The following SIK3 variants were observed in gnomAD, a reference collection of about 807,000 sequenced individuals.
SIK3 encodes SIK family kinase 3.
A neutral mutation model predicts 144.2 loss-of-function variants in SIK3; 28 were observed. That is an observed-to-expected ratio of 0.19 (90% CI 0.14 to 0.27). SIK3 has a LOEUF of 0.27. SIK3 is among the 10% of genes least tolerant of loss of function. The pLI, the probability that SIK3 is intolerant of heterozygous loss-of-function variation, is 1.00. For missense variants in SIK3, 1,319 were observed against 1,776.0 expected (o/e 0.74, Z 4.62); for synonymous variants, 686 against 676.3 (o/e 1.01, Z -0.22).
intron 1 of SIK3, among the ~76,000 whole-genome samples, chr11:117,076,223 A>G (rs911389920): frequency 5.3e-5 from 8 of 151,988 alleles, no homozygotes; most frequent in African/African-American, 1.9e-4. Flanking sequence ...AAATCAGAAC[A>G]CTTCCTACCT....
chr11:117,072,862 T>C (rs553065287), intron 1 of SIK3, among the ~76,000 whole-genome samples: 2 of 152,352 alleles, frequency 1.3e-5, no homozygotes, highest in African/African-American at 2.4e-5. Context: ...CCAAAAAGTA[T>C]ACATCAGTAT....
In SIK3 at chr11:116,861,885, A is replaced by C. The variant is rs756824832; in HGVS notation, c.2271T>G (p.Ala757=). ...CPPQPSPPLQ[A]ACENQPALLT... ...GGAGGGCTGGCTGATTTTCACATGCAGCCTGAAGAGGTGGAGATGGCTGAG... is the reference window on the plus strand; with the variant it reads ...GGAGGGCTGGCTGATTTTCACATGCCGCCTGAAGAGGTGGAGATGGCTGAG... Residue 757 remains alanine, a synonymous_variant, in exon 18 of 25, where the codon GCT becomes GCG. Coordinates refer to ENST00000445177, the MANE Select transcript of SIK3 (RefSeq NM_001366686.3). 1 of 1,612,298 alleles carries C rather than the reference A, an allele frequency of 6.2e-7. No homozygotes were observed. The highest frequency in any genetic ancestry group is 8.5e-7 in the Non-Finnish European group (1 of 1,179,354).
chr11:116,923,682 C>T (rs1412660086), intron 4 of SIK3, among the ~76,000 whole-genome samples: 1 of 152,106 alleles, frequency 6.6e-6, no homozygotes, highest in Non-Finnish European at 1.5e-5. Flanking sequence ...TTCTGTTTTG[C>T]TCTTAAAACA....
chr11:116,871,709 A>C (rs906624278), intron 13 of SIK3, among the ~76,000 whole-genome samples: 1 of 152,188 alleles, frequency 6.6e-6, no homozygotes, highest in African/African-American at 2.4e-5. Context: ...TGTTTCATTC[A>C]CAGGCACTGG....
intron 6 of SIK3, among the ~76,000 whole-genome samples, chr11:116,883,887 T>C (rs1944673818): frequency 6.6e-6 from 1 of 151,950 alleles, no homozygotes; most frequent in African/African-American, 2.4e-5. Context: ...TGAGCCGAGA[T>C]TGTGCCACTG....
intron 22 of SIK3, among the ~76,000 whole-genome samples, 197 bp from the exon 23 acceptor site, chr11:116,847,805 G>A (rs1145206): frequency 2.6e-5 from 4 of 152,004 alleles, no homozygotes; most frequent in Admixed American, 1.3e-4. Flanking sequence ...TCTGCCCAGT[G>A]GGGGGGCTGA....
intron 3 of SIK3, 112 bp from the exon 4 acceptor site, chr11:116,927,492 A>C (rs1262648148): frequency 8.8e-6 from 8 of 906,866 alleles, no homozygotes; most frequent in Non-Finnish European, 1.4e-5. Context: ...AAGAGGCAAA[A>C]TGAGCAATGA....
At chr11:117,063,161 A>G (rs1170449569) in intron 1 of SIK3, among the ~76,000 whole-genome samples, 2 of 152,216 alleles carry the variant, frequency 1.3e-5, no homozygotes, top group East Asian at 1.9e-4. Flanking sequence ...ACTAATCTTC[A>G]TATCATTGGG....
Position 116,847,547 on chromosome 11 carries a change from C to T in SIK3, c.3881G>A (p.Arg1294Gln), listed in dbSNP as rs557591094. Residue 1294 changes from arginine (R) to glutamine (Q), a missense_variant, in exon 23 of 25, where the codon CGG becomes CAG. This residue lies in a region of SIK3 where 646 missense variants were observed against 763.7 expected (regional missense o/e 0.85). Coordinates refer to ENST00000445177, the MANE Select transcript of SIK3 (RefSeq NM_001366686.3). Reference protein sequence around the residue: ...LVAGKALSSARMSDAVLSQSS... With the variant: ...LVAGKALSSAQMSDAVLSQSS... ...CTGACTGAGAACTGCATCCGACATC[C>T]GGGCAGAGCTAAGTGCTTTCCCAGC... The T allele has an allele frequency of 9.9e-6, 16 of 1,614,158 alleles. No homozygotes were observed. The African/African-American group carries it at 1.3e-4, about 13-fold the overall frequency.
intron 1 of SIK3, among the ~76,000 whole-genome samples, chr11:117,006,588 A>G (rs1951055774): frequency 6.6e-6 from 1 of 152,106 alleles, no homozygotes; most frequent in African/African-American, 2.4e-5. Context: ...CCTTTAGCCT[A>G]GGAGTTGCAA....
At chr11:117,036,495 G>C (rs1565581619) in intron 1 of SIK3, among the ~76,000 whole-genome samples, 1 of 152,148 alleles carries the variant, frequency 6.6e-6, no homozygotes, top group East Asian at 1.9e-4. Context: ...CTTAAGGTTT[G>C]TATTTTCCCC....
Position 116,863,586 on chromosome 11 carries a change from A to G in SIK3, c.2103+82T>C. On this transcript the variant is annotated intron_variant, in intron 16 of 24. Transcript: ENST00000445177. ...GCAATGTTGCTGACATAAAAGGGGT[A>G]CGTTTACCACCCCAGTCCTCCTGCA... The G allele has an allele frequency of 1.9e-6, 3 of 1,576,730 alleles. No individual in the cohort carries two copies. The East Asian group carries it at 6.7e-5, about 35-fold the overall frequency.
chr11:116,845,981 A>G (rs1029427828), intron 24 of SIK3, among the ~76,000 whole-genome samples: 4 of 152,322 alleles, frequency 2.6e-5, no homozygotes, highest in South Asian at 2.1e-4. Flanking sequence ...ATGGCTGGAC[A>G]TATTTTCCTG....
At chr11:116,872,579 AATC>A (rs1278412644) in intron 13 of SIK3, among the ~76,000 whole-genome samples, 1 of 152,248 alleles carries the variant, frequency 6.6e-6, no homozygotes, top group African/African-American at 2.4e-5. Context: ...TAAGTACAGA[AATC>A]AACAAAAGGC....
intron 3 of SIK3, among the ~76,000 whole-genome samples, chr11:116,940,231 GT>G (rs759117065): frequency 1.8e-3 from 251 of 135,756 alleles, no homozygotes; most frequent in African/African-American, 5.0e-3. Context: ...AGGTTTTTTT[GT>G]TTTTTTTTTT....
At chr11:116,876,088 A>G in intron 8 of SIK3, 79 bp from the exon 9 acceptor site, 1 of 1,569,596 alleles carries the variant, frequency 6.4e-7, no homozygotes, top group Non-Finnish European at 8.7e-7. Context: ...CAGTAATAAC[A>G]TTAGCCAAAG....
chr11:116,998,917 CAAACTA>C (rs1263172020), intron 1 of SIK3, among the ~76,000 whole-genome samples: 2 of 152,168 alleles, frequency 1.3e-5, no homozygotes, highest in African/African-American at 2.4e-5. Flanking sequence ...AAAGCTTAAT[CAAACTA>C]AAAGTGTATA....
intron 6 of SIK3, among the ~76,000 whole-genome samples, chr11:116,880,654 C>T (rs1255556698): frequency 1.3e-5 from 2 of 152,074 alleles, no homozygotes; most frequent in Non-Finnish European, 2.9e-5. Flanking sequence ...TTTGAAGACA[C>T]CATTCTACAT....
Position 116,858,310 on chromosome 11 carries a change from T to TGCC in SIK3, c.3152_3154dup (p.Arg1051dup), listed in dbSNP as rs754866280. ...CTGTTGCTGCTGTTGCTGCTGCTGC[T>TGCC]GCCGTTGTTGCTGCTGCCTTTTAAT... On this transcript the variant is annotated inframe_insertion, in exon 21 of 25. Coordinates refer to ENST00000445177, the MANE Select transcript of SIK3 (RefSeq NM_001366686.3). This position sits in a 1 kb window ranked among gnomAD's most constrained non-coding sequence, Gnocchi z 5.4. The TGCC allele has an allele frequency of 1.2e-6, 2 of 1,613,046 alleles. No homozygotes were observed. The highest frequency in any genetic ancestry group is 2.2e-5 in the East Asian group (1 of 44,872).
Sources: allele counts gnomAD v4.1 joint callset (sites outside exome capture counted in the v4.1 genomes callset), GRCh38; gene constraint gnomAD v4.1.1; regional missense constraint gnomAD v4.1.1; non-coding constraint Gnocchi (gnomAD v3.1); transcripts MANE v1.5; gene names NCBI Gene and HGNC (gene_info 2026-07-23, HGNC 2026-07-21).